NOC3L: variants seen among roughly 807,000 people sequenced by gnomAD.
NOC3L encodes NOC3 like DNA replication regulator.
Under a neutral mutation model 102.5 loss-of-function variants are expected in NOC3L, and 85 were observed. The observed-to-expected ratio is 0.83, with a 90% CI of 0.70 to 0.99. The LOEUF (loss-of-function observed/expected upper bound fraction) is 0.99, where lower values mean the gene tolerates loss of function less well. Among genes scored for constraint, NOC3L ranks in the 50% least tolerant of loss-of-function variants. The probability of loss-of-function intolerance (pLI) is 0.00; values close to 1 mark genes in which losing one functional copy is unlikely to be tolerated. For synonymous variants in NOC3L, 303 were observed against 309.4 expected (o/e 0.98, Z 0.22); for missense variants, 878 against 914.9 (o/e 0.96, Z 0.52).
chr10:94,318,992 G>A, the NOC3L span, among the ~76,000 whole-genome samples: 1 of 152,162 alleles, frequency 6.6e-6, no homozygotes, highest in Non-Finnish European at 1.5e-5. Context: ...AGGTTGCAGT[G>A]AGCCAAGATT....
chr10:94,351,414 T>G (rs2054416005), intron 8 of NOC3L, among the ~76,000 whole-genome samples: 1 of 152,206 alleles, frequency 6.6e-6, no homozygotes, highest in African/African-American at 2.4e-5. Context: ...CCTACCCCTA[T>G]TTTTTCTATG....
rs1248529477 is a variant in NOC3L, at chr10:94,346,446, A to T, written c.1368T>A (p.Ser456=). The T allele has an allele frequency of 6.6e-7, 1 of 1,508,124 alleles. No individual in the cohort carries two copies. The highest frequency in any genetic ancestry group is 8.9e-7 in the Non-Finnish European group (1 of 1,127,526). The allele number at this position is 1,508,124 out of a possible 1,614,324, so 93.4% of individuals were successfully genotyped here. Residue 456 remains serine (S), a synonymous_variant, in exon 11 of 21, where the codon TCT becomes TCA. Transcript: ENST00000371361. ...KFMTFKEKRK[S]LSRMQRKWKK... ...AAACCTTTCTCTGCATTCTTGATAG[A>T]GATTTTCTCTTTTCTTTGAAAGTCA...
In NOC3L at chr10:94,344,525, G is replaced by A. The variant is rs780544347; in HGVS notation, c.1471-10C>T. 3.2e-6 allele frequency: 5 copies of A among 1,585,710 alleles called. No homozygotes were observed. In the African/African-American group the frequency reaches 6.7e-5, roughly 21 times the overall value. The stretch of plus-strand genomic sequence containing the variant: ...TCAGAGTCTCTGTGTGCTGGCAGAG[G>A]AGACAGACAAAATGACTTTAGGATA... On this transcript the variant is annotated splice_polypyrimidine_tract_variant and intron_variant, in intron 12 of 20. Transcript: ENST00000371361.
At chr10:94,327,733 A>T in the NOC3L span, among the ~76,000 whole-genome samples, 9 of 152,160 alleles carry the variant, frequency 5.9e-5, no homozygotes, top group East Asian at 1.9e-4. Context: ...GATCTTTTTT[A>T]AAAAAACAAA....
downstream of NOC3L, chr10:94,329,729 G>A (rs1356721547): frequency 8.3e-6 from 1 of 120,062 alleles, no homozygotes; most frequent in African/African-American, 3.2e-5. Context: ...AGTGAGCCAA[G>A]ATCGCACCAC....
intron 19 of NOC3L, among the ~76,000 whole-genome samples, chr10:94,335,131 G>A (rs1408713769): frequency 6.6e-6 from 1 of 152,158 alleles, no homozygotes; most frequent in Non-Finnish European, 1.5e-5. Context: ...TGAAAAACAA[G>A]GAAAGGCCAT....
Position 94,361,666 on chromosome 10 carries a change from T to C in NOC3L, c.216A>G (p.Pro72=), listed in dbSNP as rs1037474832. The stretch of plus-strand genomic sequence containing the variant: ...AGCACATGATGTTTTCACAATTACC[T>C]GGTCGCTTTTCCTTTGGGTTCTCCA... The part of the protein sequence containing the change: ...IPLENPKEKR[P]GKRIEREEEE... The change falls in exon 2 of 21, where the codon CCA becomes CCG. Residue 72 remains proline (P), a splice_region_variant and synonymous_variant. Transcript: ENST00000371361. The C allele has an allele frequency of 3.1e-6, 5 of 1,612,726 alleles. No individual in the cohort carries two copies. Among genetic ancestry groups the C allele is most frequent in the Admixed American group, 1.7e-5 (1 of 59,882 alleles).
intron 13 of NOC3L, 145 bp downstream of exon 13, chr10:94,344,270 T>C (rs531828771): frequency 2.4e-4 from 127 of 530,714 alleles, no homozygotes; most frequent in Middle Eastern, 1.4e-3. Context: ...CCCACTGTTA[T>C]GAATAGCTTC....
At chr10:94,342,401 T>C (rs922350432) in intron 13 of NOC3L, among the ~76,000 whole-genome samples, 8 of 152,308 alleles carry the variant, frequency 5.3e-5, no homozygotes, top group African/African-American at 9.6e-5. Flanking sequence ...CTTTGATCTA[T>C]GTAAATCTTA....
intron 7 of NOC3L, 81 bp downstream of exon 7, chr10:94,352,815 C>T: frequency 1.6e-6 from 2 of 1,253,928 alleles, no homozygotes; most frequent in South Asian, 1.3e-5. Flanking sequence ...GAGTAAAACT[C>T]TGCCTCAAAA....
Position 94,362,884 on chromosome 10 carries a change from A to T in NOC3L, c.-46T>A. On this transcript the variant is annotated 5_prime_UTR_variant, in exon 1 of 21. Coordinates refer to ENST00000371361, the MANE Select transcript of NOC3L (RefSeq NM_022451.11). The stretch of plus-strand genomic sequence containing the variant: ...CCGGCCAGACAAGTTCACCAGAAGC[A>T]GGGTTACTACAGAAATCCCGGGGAA... The T allele has an allele frequency of 6.2e-7, 1 of 1,613,868 alleles. No individual in the cohort carries two copies. Among genetic ancestry groups the T allele is most frequent in the East Asian group, 2.2e-5 (1 of 44,874 alleles).
chr10:94,350,040 G>T, intron 9 of NOC3L, 73 bp downstream of exon 9: 1 of 1,456,168 alleles, frequency 6.9e-7, no homozygotes, highest in Non-Finnish European at 9.5e-7. Flanking sequence ...TTACAGGTGT[G>T]AGCCACCGTG....
chr10:94,349,649 C>A (rs1341019025), intron 9 of NOC3L, among the ~76,000 whole-genome samples: 5 of 152,104 alleles, frequency 3.3e-5, no homozygotes, highest in African/African-American at 1.2e-4. Flanking sequence ...AGATAATTTT[C>A]TTCAGATAGA....
chr10:94,356,921 A>G (rs986501005), intron 4 of NOC3L, among the ~76,000 whole-genome samples: 3 of 152,208 alleles, frequency 2.0e-5, no homozygotes, highest in Admixed American at 1.3e-4. Context: ...AATATGCTCT[A>G]ATTTTAGAAA....
downstream of NOC3L, chr10:94,331,128 C>T (rs1281950317): frequency 6.6e-6 from 1 of 152,156 alleles, no homozygotes; most frequent in Non-Finnish European, 1.5e-5. Context: ...AAGTTATTTA[C>T]AAATTCTCCA....
chr10:94,337,856 C>G lies in NOC3L; in HGVS notation c.2110G>C (p.Val704Leu). ...ATCAGGTGGGCTGCAAATCTCTGCA[C>G]TATGGGATGATAATGCCTCTGAAGG... ...HALRRHYHPI[V>L]QRFAAHLIAG... is the part of the protein sequence containing the mutation. The change falls in exon 19 of 21, where the codon GTG (valine) becomes CTG (leucine). Residue 704 changes from valine to leucine, a missense_variant. Val to Leu is a conservative substitution (Grantham distance 32, BLOSUM62 1). Transcript: ENST00000371361. 6.2e-7 allele frequency: 1 copy of G among 1,613,650 alleles called. No homozygotes were observed. The highest frequency in any genetic ancestry group is 8.5e-7 in the Non-Finnish European group (1 of 1,179,600).
the NOC3L span, chr10:94,324,784 T>C: frequency 3.8e-5 from 45 of 1,184,278 alleles, no homozygotes; most frequent in African/African-American, 5.6e-4. Flanking sequence ...AGCCCTACTC[T>C]CTCCAAAGCT....
At chr10:94,318,766 G>A in the NOC3L span, among the ~76,000 whole-genome samples, 2 of 152,162 alleles carry the variant, frequency 1.3e-5, no homozygotes. Flanking sequence ...CAATTTAAAT[G>A]TATACCACAA....
chr10:94,326,671 T>C, the NOC3L span, among the ~76,000 whole-genome samples: 1 of 152,342 alleles, frequency 6.6e-6, no homozygotes, highest in South Asian at 2.1e-4. Context: ...TAATGAACAT[T>C]GCTAATTGCT....
Sources: gnomAD v4.1 joint callset for allele counts (sites outside exome capture counted in the v4.1 genomes callset) on GRCh38, gnomAD v4.1.1 for gene constraint, MANE v1.5 for transcripts, NCBI Gene and HGNC (gene_info 2026-07-23, HGNC 2026-07-21) for gene names.